PLB1: variants seen among roughly 807,000 people sequenced by gnomAD.
The protein encoded by PLB1 is phospholipase B1, membrane-associated.
Under a neutral mutation model 227.4 loss-of-function variants are expected in PLB1, and 242 were observed. That is an observed-to-expected ratio of 1.06 (90% CI 0.96 to 1.18). PLB1 has a LOEUF of 1.18. PLB1 is among the 50% of genes most tolerant of loss of function. PLB1 has a pLI of 0.00. For missense variants in PLB1, 1,858 were observed against 1,816.3 expected (o/e 1.02, Z -0.42); for synonymous variants, 757 against 682.2 (o/e 1.11, Z -1.71).
chr2:28,595,094 A>G (rs1306701111), intron 33 of PLB1: 2 of 152,130 alleles, frequency 1.3e-5, no homozygotes, highest in African/African-American at 4.8e-5. Flanking sequence ...TTTAAAACAG[A>G]TCGACCAGCT....
Position 28,604,839 on chromosome 2 carries a change from T to C in PLB1, c.2961+80T>C, listed in dbSNP as rs558888251. 41 of 1,308,438 alleles carry C rather than the reference T, an allele frequency of 3.1e-5. No homozygotes were observed. The African/African-American group carries it at 5.4e-4, about 17-fold the overall frequency. The allele number at this position is 1,308,438 out of a possible 1,614,324, so 81.1% of individuals were successfully genotyped here. ...GAATTGCCAGTTGCTTCCACGAGCATGTGCATAAAATGGGAAAGACACAGC... is the reference window on the plus strand; with the variant it reads ...GAATTGCCAGTTGCTTCCACGAGCACGTGCATAAAATGGGAAAGACACAGC... On this transcript the variant is annotated intron_variant, in intron 41 of 57. Coordinates refer to ENST00000327757, the MANE Select transcript of PLB1 (RefSeq NM_153021.5).
chr2:28,572,588 A>T (rs147268778), intron 20 of PLB1, among the ~76,000 whole-genome samples: 18 of 152,254 alleles, frequency 1.2e-4, no homozygotes, highest in African/African-American at 4.3e-4. Flanking sequence ...AATGCAGTAC[A>T]GTTGCATGCT....
chr2:28,592,589 G>T (rs1682152895), intron 31 of PLB1, 72 bp from the exon 32 acceptor site: 7 of 1,478,532 alleles, frequency 4.7e-6, no homozygotes, highest in African/African-American at 1.4e-5. Context: ...GATCTTGCTT[G>T]AAGCCAGAGG....
intron 1 of PLB1, among the ~76,000 whole-genome samples, chr2:28,503,828 A>G (rs1667363081): frequency 6.6e-6 from 1 of 152,182 alleles, no homozygotes; most frequent in South Asian, 2.1e-4. Context: ...TCTATGAGTC[A>G]ATGCAAGTTT....
At chr2:28,528,902 G>A (rs547674463) in intron 6 of PLB1, among the ~76,000 whole-genome samples, 2 of 151,712 alleles carry the variant, frequency 1.3e-5, no homozygotes, top group South Asian at 2.1e-4. Context: ...GAATAGGGGC[G>A]GCGACCCCGG....
intron 11 of PLB1, 34 bp from the exon 12 acceptor site, chr2:28,540,332 C>A: frequency 6.3e-7 from 1 of 1,592,570 alleles, no homozygotes; most frequent in Non-Finnish European, 8.6e-7. Context: ...ACACTGCCTC[C>A]CCTCTCTCAT....
chr2:28,570,082 G>A (rs1400588596), intron 20 of PLB1, among the ~76,000 whole-genome samples: 1 of 151,826 alleles, frequency 6.6e-6, no homozygotes, highest in Non-Finnish European at 1.5e-5. Flanking sequence ...CTCTGACTTC[G>A]CTGGTGAATT....
intron 9 of PLB1, among the ~76,000 whole-genome samples, chr2:28,532,833 C>G (rs1180036946): frequency 6.6e-6 from 1 of 152,162 alleles, no homozygotes; most frequent in Non-Finnish European, 1.5e-5. Flanking sequence ...TTTGGCTTTT[C>G]TGGAAACAGG....
At chr2:28,502,672 G>C (rs991259608) in intron 1 of PLB1, among the ~76,000 whole-genome samples, 1 of 152,150 alleles carries the variant, frequency 6.6e-6, no homozygotes, top group Non-Finnish European at 1.5e-5. Context: ...CCATGAATGA[G>C]AGTGAGTTAT....
intron 57 of PLB1, among the ~76,000 whole-genome samples, chr2:28,641,666 G>A (rs771699321): frequency 2.3e-4 from 35 of 152,082 alleles, no homozygotes; most frequent in Admixed American, 1.3e-3. Context: ...TCTGGGGATC[G>A]GGAGGCAAAG....
intron 1 of PLB1, among the ~76,000 whole-genome samples, chr2:28,501,804 C>G (rs965254826): frequency 1.3e-5 from 2 of 152,020 alleles, no homozygotes; most frequent in African/African-American, 4.8e-5. Flanking sequence ...GTTCAGAGAT[C>G]TTTATTTTTT....
At chr2:28,540,506 G>T in intron 12 of PLB1, 65 bp downstream of exon 12, 1 of 1,332,496 alleles carries the variant, frequency 7.5e-7, no homozygotes, top group Non-Finnish European at 1.1e-6. Flanking sequence ...AAGGAGAACA[G>T]GAGTGATAGG....
chr2:28,524,773 A>G (rs998132046), intron 4 of PLB1, among the ~76,000 whole-genome samples: 18 of 151,732 alleles, frequency 1.2e-4, no homozygotes, highest in Middle Eastern at 3.4e-3. Context: ...CATGCTGCAG[A>G]GGAAGCCAAG....
At chr2:28,639,550 G>A (rs1298435564) in intron 56 of PLB1, among the ~76,000 whole-genome samples, 1 of 152,192 alleles carries the variant, frequency 6.6e-6, no homozygotes, top group African/African-American at 2.4e-5. Flanking sequence ...ATCAAAGAAA[G>A]GGCAGGTGAA....
intron 8 of PLB1, 121 bp from the exon 9 acceptor site, chr2:28,531,987 A>C: frequency 5.4e-6 from 4 of 747,646 alleles, no homozygotes; most frequent in Non-Finnish European, 9.0e-6. Flanking sequence ...TATTGAAAAA[A>C]ATTCATACAT....
chr2:28,550,465 G>A (rs1193797242), intron 16 of PLB1, among the ~76,000 whole-genome samples: 1 of 149,704 alleles, frequency 6.7e-6, no homozygotes, highest in Non-Finnish European at 1.5e-5. Flanking sequence ...TGTGAGCCAC[G>A]GCGCCCAGCC....
At chr2:28,635,503 C>T (rs1315214898) in intron 56 of PLB1, among the ~76,000 whole-genome samples, 1 of 150,816 alleles carries the variant, frequency 6.6e-6, no homozygotes, top group African/African-American at 2.4e-5. Context: ...TGCCACCACC[C>T]TCCCCACTGC....
chr2:28,593,945 A>ATT, intron 33 of PLB1, 191 bp downstream of exon 33: 4 of 536,946 alleles, frequency 7.4e-6, no homozygotes, highest in Non-Finnish European at 1.0e-5. Context: ...ACTGTTGATA[A>ATT]TCTTTTTTTT....
intron 16 of PLB1, 58 bp from the exon 17 acceptor site, chr2:28,552,870 A>G: frequency 6.9e-7 from 1 of 1,442,852 alleles, no homozygotes. Flanking sequence ...CCCACTTCTC[A>G]CCCATTTCCA....
Sources: allele counts gnomAD v4.1 joint callset (sites outside exome capture counted in the v4.1 genomes callset), GRCh38; gene constraint gnomAD v4.1.1; transcripts MANE v1.5; gene names NCBI Gene and HGNC (gene_info 2026-07-23, HGNC 2026-07-21).